DPYD: variants seen among roughly 807,000 people sequenced by gnomAD.
DPYD encodes the protein dihydropyrimidine dehydrogenase.
A neutral mutation model predicts 116.2 loss-of-function variants in DPYD; 109 were observed. The observed-to-expected ratio is 0.94, with a 90% CI of 0.80 to 1.10. DPYD has a LOEUF of 1.10. Among genes scored for constraint, DPYD ranks in the 50% least tolerant of loss-of-function variants. The pLI is 0.00. For missense variants in DPYD, 1,302 were observed against 1,254.5 expected, an observed-to-expected ratio of 1.04 and a Z score of -0.57; for synonymous variants, 440 against 432.0, an observed-to-expected ratio of 1.02 and a Z score of -0.23.
chr1:97,235,113 A>G, intron 18 of DPYD, 119 bp from the exon 19 acceptor site: 2 of 1,201,394 alleles, frequency 1.7e-6, no homozygotes, highest in South Asian at 2.6e-5. Context: ...AAATTACTTT[A>G]TCTCTGTTTA....
intron 13 of DPYD, among the ~76,000 whole-genome samples, chr1:97,459,540 T>C (rs545881637): frequency 6.6e-6 from 1 of 152,232 alleles, no homozygotes; most frequent in Admixed American, 6.5e-5. Flanking sequence ...AAAAAAAGAC[T>C]ACTCACAAAA....
rs373429075 is a variant in DPYD, at chr1:97,288,638, C to G, written c.2299+16621G>C. ...AAATAAAGATGTTCTTTGAAACCAA[C>G]GAGAACAAAGACACAACATACCAGA... On this transcript the variant is annotated intron_variant, in intron 18 of 22. Transcript: ENST00000370192. 2.7e-4 allele frequency among the ~76,000 whole-genome samples: 40 copies of G among 146,078 alleles called. 1 individual carries two copies. The highest frequency in any genetic ancestry group is 7.0e-4 in the African/African-American group (28 of 39,836).
intron 3 of DPYD, among the ~76,000 whole-genome samples, chr1:97,779,233 ATT>A (rs540988164): frequency 6.6e-6 from 1 of 152,004 alleles, no homozygotes; most frequent in Non-Finnish European, 1.5e-5. Flanking sequence ...TTTAGAATCT[ATT>A]TTTCCAATAA....
intron 20 of DPYD, among the ~76,000 whole-genome samples, chr1:97,145,740 T>C (rs992209344): frequency 8.4e-6 from 1 of 119,562 alleles, no homozygotes; most frequent in African/African-American, 3.5e-5. Flanking sequence ...AAGAATTGTG[T>C]GGGTTTTTTT....
chr1:97,565,896 C>T (rs1221805525), intron 11 of DPYD, among the ~76,000 whole-genome samples: 2 of 152,040 alleles, frequency 1.3e-5, no homozygotes, highest in African/African-American at 2.4e-5. Context: ...AAATTCAGAC[C>T]ATCATTTACG....
chr1:97,895,660 G>A (rs934589713), intron 1 of DPYD, among the ~76,000 whole-genome samples: 1 of 151,702 alleles, frequency 6.6e-6, no homozygotes, highest in African/African-American at 2.4e-5. Context: ...TCAGAGTAGA[G>A]CAAGGAGCTG....
intron 15 of DPYD, among the ~76,000 whole-genome samples, chr1:97,376,865 T>TTGTGTGTGTGTGTGTGTGTG (rs66598688): frequency 4.8e-4 from 64 of 134,550 alleles, no homozygotes; most frequent in East Asian, 1.7e-3. Flanking sequence ...AAGAGAGAGT[T>TTGTGTGTGTGTGTGTGTGTG]TGTGTGTGTG....
At chr1:97,182,590 G>T (rs1657719734) in intron 20 of DPYD, among the ~76,000 whole-genome samples, 1 of 152,070 alleles carries the variant, frequency 6.6e-6, no homozygotes, top group Non-Finnish European at 1.5e-5. Flanking sequence ...TAATGTAACT[G>T]TCTGGCAGTC....
intron 5 of DPYD, among the ~76,000 whole-genome samples, chr1:97,709,109 A>ATTTCC (rs1387285972): frequency 6.6e-6 from 1 of 151,676 alleles, no homozygotes; most frequent in African/African-American, 2.4e-5. Flanking sequence ...CTCTGTATAC[A>ATTTCC]TTTCCTTTCC....
chr1:97,381,235 GAA>G (rs1335831835), intron 15 of DPYD, among the ~76,000 whole-genome samples: 1 of 151,956 alleles, frequency 6.6e-6, no homozygotes, highest in Non-Finnish European at 1.5e-5. Context: ...TATGAAATGT[GAA>G]AAATATCTTT....
chr1:97,098,610 T>A lies in DPYD; in HGVS notation c.2645A>T (p.Tyr882Phe). The A allele has an allele frequency of 6.2e-7, 1 of 1,612,986 alleles. No individual in the cohort carries two copies. Among genetic ancestry groups the A allele is most frequent in the Non-Finnish European group, 8.5e-7 (1 of 1,179,394 alleles). ...MDKKLPSFGP[Y>F]LEQRKKIIAE... The stretch of plus-strand genomic sequence containing the variant: ...TATGATTTTCTTGCGCTGTTCCAGA[T>A]AAGGTCCAAAACTTGGCAGTTTCTA... The change falls in exon 21 of 23, where the codon TAT becomes TTT. Residue 882 changes from tyrosine (Y) to phenylalanine (F), a missense_variant. Physicochemically the swap from Tyr to Phe is conservative, Grantham distance 22 (BLOSUM62 3). Coordinates refer to ENST00000370192, the MANE Select transcript of DPYD (RefSeq NM_000110.4).
At chr1:97,360,389 G>C (rs1238111929) in intron 16 of DPYD, among the ~76,000 whole-genome samples, 1 of 152,216 alleles carries the variant, frequency 6.6e-6, no homozygotes, top group African/African-American at 2.4e-5. Flanking sequence ...ATATTAGACA[G>C]ATCAGTGAGA....
At chr1:97,301,910 G>GAA (rs35282661) in intron 18 of DPYD, among the ~76,000 whole-genome samples, 1 of 151,160 alleles carries the variant, frequency 6.6e-6, no homozygotes, top group East Asian at 1.9e-4. Context: ...AATGAAGTCA[G>GAA]AAAAAAAGGT....
At chr1:97,798,007 T>C (rs1019298377) in intron 3 of DPYD, 12 of 152,102 alleles carry the variant, frequency 7.9e-5, no homozygotes, top group African/African-American at 2.7e-4. Context: ...AACATAACGT[T>C]CTGACAACTT....
At chr1:97,419,777 G>A (rs971359537) in intron 14 of DPYD, among the ~76,000 whole-genome samples, 4 of 152,116 alleles carry the variant, frequency 2.6e-5, no homozygotes, top group African/African-American at 4.8e-5. Context: ...TTTATCCACT[G>A]AGTGAAATTT....
chr1:97,770,830 G>A (rs1370969635), intron 3 of DPYD, among the ~76,000 whole-genome samples: 1 of 151,990 alleles, frequency 6.6e-6, no homozygotes, highest in Non-Finnish European at 1.5e-5. Flanking sequence ...ATCTTAAAAT[G>A]ATATGTGCAC....
chr1:97,611,159 A>C (rs1571056994), intron 8 of DPYD, among the ~76,000 whole-genome samples: 1 of 152,136 alleles, frequency 6.6e-6, no homozygotes, highest in Non-Finnish European at 1.5e-5. Context: ...CAATCATGCC[A>C]GAAGGCAAGG....
intron 19 of DPYD, among the ~76,000 whole-genome samples, chr1:97,209,532 A>G (rs918687005): frequency 6.6e-6 from 1 of 152,164 alleles, no homozygotes; most frequent in East Asian, 1.9e-4. Flanking sequence ...TTGGCCATAC[A>G]AATTCACCAG....
At chr1:97,690,743 A>T (rs1660969704) in intron 7 of DPYD, among the ~76,000 whole-genome samples, 1 of 152,074 alleles carries the variant, frequency 6.6e-6, no homozygotes. Context: ...TGTAATTTTG[A>T]ACATTAAGTT....
Sources: gnomAD v4.1 joint callset for allele counts (sites outside exome capture counted in the v4.1 genomes callset) on GRCh38, gnomAD v4.1.1 for gene constraint, MANE v1.5 for transcripts, NCBI Gene and HGNC (gene_info 2026-07-23, HGNC 2026-07-21) for gene names.